Variants in ZDHHC2 observed in about 807,000 individuals in gnomAD.
ZDHHC2 encodes the protein zDHHC palmitoyltransferase 2, also known as palmitoyltransferase ZDHHC2.
ZDHHC2 carries 51 observed loss-of-function variants against 55.6 expected under a neutral mutation model. That is an observed-to-expected ratio of 0.92 (90% CI 0.73 to 1.16). The LOEUF (loss-of-function observed/expected upper bound fraction) is 1.16, where lower values mean the gene tolerates loss of function less well. Ranked by LOEUF, ZDHHC2 falls within the 50% of genes most tolerant of loss-of-function variation. The pLI is 0.00. For synonymous variants in ZDHHC2, 199 were observed against 152.9 expected (o/e 1.30, Z -2.22); for missense variants, 491 against 442.4 (o/e 1.11, Z -0.99).
intron 6 of ZDHHC2, among the ~76,000 whole-genome samples, chr8:17,199,626 T>TC (rs1317120634): frequency 4.1e-5 from 2 of 48,678 alleles, no homozygotes; most frequent in Non-Finnish European, 1.9e-4. Flanking sequence ...TTCTTCTTCC[T>TC]TTCTTCTTCT....
chr8:17,156,982 GC>G, intron 1 of ZDHHC2, 129 bp downstream of exon 1: 1 of 838,106 alleles, frequency 1.2e-6, no homozygotes, highest in Non-Finnish European at 1.7e-6. Flanking sequence ...GCCGCGTCCC[GC>G]CGGCTCCGCC....
At chr8:17,167,792 TAAG>T (rs752783211) in intron 1 of ZDHHC2, among the ~76,000 whole-genome samples, 24 of 152,028 alleles carry the variant, frequency 1.6e-4, no homozygotes, top group Non-Finnish European at 2.6e-4. Context: ...AAATAATAAA[TAAG>T]AACAATTTAG....
At chr8:17,190,951 CTTTTTTTTTT>C (rs10601402) in intron 3 of ZDHHC2, among the ~76,000 whole-genome samples, 2 of 52,760 alleles carry the variant, frequency 3.8e-5, no homozygotes, top group East Asian at 5.3e-4. Context: ...CTTATTCATT[CTTTTTTTTTT>C]TTTTTTTTTT....
rs1807686930 is a variant in ZDHHC2 at position 17,217,088 on chromosome 8, A to C, written c.1064-84A>C. The C allele has an allele frequency of 2.4e-5, 33 of 1,368,104 alleles. No homozygotes were observed. The South Asian group carries it at 4.0e-4, about 16-fold the overall frequency. The allele number at this position is 1,368,104 out of a possible 1,614,324, so 84.7% of individuals were successfully genotyped here. On this transcript the variant is annotated intron_variant, in intron 11 of 12. Coordinates refer to ENST00000262096, the MANE Select transcript of ZDHHC2 (RefSeq NM_016353.5). Reference sequence around the variant, plus strand: ...GGCACCTTTGGAAGTCTACCAAGGGATTCCTTATTCATAGATGAATAAGAA... The same window carrying C: ...GGCACCTTTGGAAGTCTACCAAGGGCTTCCTTATTCATAGATGAATAAGAA...
At chr8:17,194,528 TTC>T in intron 3 of ZDHHC2, among the ~76,000 whole-genome samples, 1 of 152,020 alleles carries the variant, frequency 6.6e-6, no homozygotes, top group Non-Finnish European at 1.5e-5. Flanking sequence ...TATCCTGCGT[TTC>T]TGTTATTCTT....
chr8:17,159,685 T>C lies in ZDHHC2; in HGVS notation c.130+2832T>C, dbSNP rs567897393. On this transcript the variant is annotated intron_variant, in intron 1 of 12. Transcript: ENST00000262096. ...GGAATATGTGTATATGTAAAATATA[T>C]GGGATGTACATATATTGTGTGAGAG... Among the ~76,000 whole-genome samples, 7 of 152,360 alleles carry C rather than the reference T, an allele frequency of 4.6e-5. No homozygotes were observed. The South Asian group carries it at 1.4e-3, about 32-fold the overall frequency.
At chr8:17,165,378 C>G (rs893131975) in intron 1 of ZDHHC2, among the ~76,000 whole-genome samples, 2 of 152,154 alleles carry the variant, frequency 1.3e-5, no homozygotes, top group African/African-American at 4.8e-5. Flanking sequence ...GGGCAGGGAC[C>G]AGTTTGACTT....
chr8:17,214,266 G>A (rs1292470087), intron 10 of ZDHHC2, among the ~76,000 whole-genome samples: 1 of 152,070 alleles, frequency 6.6e-6, no homozygotes, highest in Non-Finnish European at 1.5e-5. Context: ...ATTCTTCTTA[G>A]AAGACTGCTC....
chr8:17,203,677 C>A (rs1806931178), intron 6 of ZDHHC2, among the ~76,000 whole-genome samples: 1 of 152,178 alleles, frequency 6.6e-6, no homozygotes, highest in Non-Finnish European at 1.5e-5. Context: ...TTATTTCCTG[C>A]CATGATTCCA....
At chr8:17,202,878 C>G (rs1585721444) in intron 6 of ZDHHC2, among the ~76,000 whole-genome samples, 1 of 151,948 alleles carries the variant, frequency 6.6e-6, no homozygotes, top group Admixed American at 6.6e-5. Flanking sequence ...TTTTACCATC[C>G]CCTCAAGCAA....
chr8:17,178,150 T>C (rs1239571528), intron 1 of ZDHHC2, among the ~76,000 whole-genome samples: 2 of 152,072 alleles, frequency 1.3e-5, no homozygotes, highest in Non-Finnish European at 2.9e-5. Flanking sequence ...TGACTAAAAG[T>C]TCAACTAGAT....
chr8:17,182,962 A>G (rs181175665), intron 1 of ZDHHC2, among the ~76,000 whole-genome samples: 25 of 152,322 alleles, frequency 1.6e-4, no homozygotes, highest in Admixed American at 2.0e-4. Flanking sequence ...GGGTTTTGCC[A>G]TGTTGGCCAG....
At chr8:17,161,028 G>T (rs775670051) in intron 1 of ZDHHC2, among the ~76,000 whole-genome samples, 1 of 152,172 alleles carries the variant, frequency 6.6e-6, no homozygotes, top group African/African-American at 2.4e-5. Flanking sequence ...ATTCCACAGT[G>T]ATTATAATAC....
At chr8:17,173,392 A>G (rs1804963333) in intron 1 of ZDHHC2, among the ~76,000 whole-genome samples, 1 of 152,310 alleles carries the variant, frequency 6.6e-6, no homozygotes, top group South Asian at 2.1e-4. Flanking sequence ...AATTGAGCAC[A>G]AGGCCGGGTG....
At chr8:17,218,785 C>A (rs1025809117) in intron 12 of ZDHHC2, among the ~76,000 whole-genome samples, 2 of 152,146 alleles carry the variant, frequency 1.3e-5, no homozygotes, top group Admixed American at 6.6e-5. Context: ...TCTATCGATA[C>A]AACCAGTTGC....
At chr8:17,165,184 C>A (rs1804543938) in intron 1 of ZDHHC2, among the ~76,000 whole-genome samples, 1 of 152,228 alleles carries the variant, frequency 6.6e-6, no homozygotes, top group Non-Finnish European at 1.5e-5. Context: ...TTATGAGTCT[C>A]ACACTGAAAG....
rs1554466230 is a variant in ZDHHC2, at chr8:17,199,612, C to CTTCGTCTTCTTCTTCCTTTCTTCTTCCT, written c.476+1202_476+1203insGTCTTCTTCTTCCTTTCTTCTTCCTTTC. Among the ~76,000 whole-genome samples, 21 of 68,828 alleles carry CTTCGTCTTCTTCTTCCTTTCTTCTTCCT rather than the reference C, an allele frequency of 3.1e-4. 1 individual carries two copies. Among genetic ancestry groups the CTTCGTCTTCTTCTTCCTTTCTTCTTCCT allele is most frequent in the Non-Finnish European group, 7.7e-4 (19 of 24,648 alleles). 45.2% of individuals were successfully genotyped at this position (68,828 alleles called of 152,430 possible). On this transcript the variant is annotated intron_variant, in intron 6 of 12. Coordinates refer to ENST00000262096, the MANE Select transcript of ZDHHC2 (RefSeq NM_016353.5). The stretch of plus-strand genomic sequence containing the variant: ...TCTTTCTTCTTCTTTATTCTTTCTT[C>CTTCGTCTTCTTCTTCCTTTCTTCTTCCT]TTCTTCTTCTTCCTTTCTTCTTCTT...
intron 1 of ZDHHC2, among the ~76,000 whole-genome samples, chr8:17,166,765 G>C (rs1804620133): frequency 6.6e-6 from 1 of 152,132 alleles, no homozygotes; most frequent in African/African-American, 2.4e-5. Flanking sequence ...TCAAGGAGGA[G>C]GGAGGAATCA....
chr8:17,187,880 C>G (rs967829230), intron 3 of ZDHHC2, among the ~76,000 whole-genome samples: 2 of 152,156 alleles, frequency 1.3e-5, no homozygotes, highest in East Asian at 1.9e-4. Flanking sequence ...ATCTCAAATA[C>G]AAAACATCAA....
Sources: allele counts gnomAD v4.1 joint callset (sites outside exome capture counted in the v4.1 genomes callset), GRCh38; gene constraint gnomAD v4.1.1; transcripts MANE v1.5; gene names NCBI Gene and HGNC (gene_info 2026-07-23, HGNC 2026-07-21).